The following ANKRD36 variants were observed in gnomAD, a reference collection of about 807,000 sequenced individuals.
The protein encoded by ANKRD36 is ankyrin repeat domain-containing protein 36A.
Under a neutral mutation model 278.1 loss-of-function variants are expected in ANKRD36, and 179 were observed. The ratio of observed to expected loss-of-function variants is 0.64; its 90% confidence interval spans 0.57 to 0.73. The LOEUF is 0.73. Among genes scored for constraint, ANKRD36 ranks in the 30% least tolerant of loss-of-function variants. The pLI is 0.00. For synonymous variants in ANKRD36, 320 were observed against 641.1 expected (o/e 0.50, Z 7.57); for missense variants, 1,159 against 1,956.7 (o/e 0.59, Z 7.69).
rs1158017640 is a variant in ANKRD36, at chr2:97,122,898, G to C, written c.498G>C (p.Gln166His). Residue 166 changes from glutamine to histidine, a missense_variant, in exon 4 of 76, where the codon CAG (glutamine) becomes CAC (histidine). Gln to His is a conservative substitution (Grantham distance 24, BLOSUM62 0). Transcript: ENST00000420699. ...CTGTTATTTTACAGTGTGAATATCA[G>C]CCACTGTTATTTGCTGTGAGTCGAA... ...NIEECSKCEY[Q>H]PLLFAVSRRK... 6.5e-7 allele frequency: 1 copy of C among 1,540,576 alleles called. No homozygotes were observed. Among genetic ancestry groups the C allele is most frequent in the African/African-American group, 1.4e-5 (1 of 72,700 alleles).
intron 5 of ANKRD36, 28 bp downstream of exon 5, chr2:97,124,625 A>C (rs1274143554): frequency 3.1e-5 from 47 of 1,535,698 alleles, no homozygotes; most frequent in Non-Finnish European, 4.0e-5. Context: ...AAGGCTAGTG[A>C]ACACTAAATT....
chr2:97,143,744 A>G (rs542041635), intron 8 of ANKRD36, among the ~76,000 whole-genome samples: 1 of 152,406 alleles, frequency 6.6e-6, no homozygotes, highest in East Asian at 1.9e-4. Context: ...CAATTTCCAA[A>G]TGGAAAAGCT....
intron 34 of ANKRD36, 78 bp from the exon 35 acceptor site, chr2:97,190,900 T>C (rs2058372940): frequency 6.4e-7 from 1 of 1,566,010 alleles, no homozygotes. Flanking sequence ...TACAGCTGGA[T>C]GCTAACACTG....
chr2:97,227,563 G>A (rs1251823033), intron 67 of ANKRD36, among the ~76,000 whole-genome samples: 41 of 152,046 alleles, frequency 2.7e-4, no homozygotes, highest in Non-Finnish European at 2.8e-4. Context: ...CAATCATGTC[G>A]TCTGCAAACA....
intron 30 of ANKRD36, among the ~76,000 whole-genome samples, chr2:97,186,195 A>G (rs1030539126): frequency 1.3e-5 from 2 of 151,776 alleles, no homozygotes; most frequent in African/African-American, 4.8e-5. Flanking sequence ...CATAAGACAT[A>G]TATCTTTTGT....
At chr2:97,177,343 G>A (rs1187869859) in intron 22 of ANKRD36, among the ~76,000 whole-genome samples, 1 of 151,686 alleles carries the variant, frequency 6.6e-6, no homozygotes, top group Admixed American at 6.6e-5. Context: ...AGTTCATATA[G>A]AACCAAAAAA....
intron 73 of ANKRD36, 108 bp downstream of exon 73, chr2:97,249,322 CA>C: frequency 7.1e-5 from 2 of 28,362 alleles, no homozygotes; most frequent in Non-Finnish European, 5.1e-5. Context: ...TTTGTGAAGC[CA>C]AAAAAGTTTC....
At chr2:97,118,208 G>A in intron 2 of ANKRD36, 30 bp downstream of exon 2, 2 of 1,579,528 alleles carry the variant, frequency 1.3e-6, no homozygotes, top group Non-Finnish European at 8.6e-7. Context: ...TTGAGCATGA[G>A]ATGGATTTGG....
rs1446364019 is a variant in ANKRD36 at position 97,209,461 on chromosome 2, C to A, written c.3266-220C>A. On this transcript the variant is annotated intron_variant, in intron 54 of 75. Coordinates refer to ENST00000420699, the MANE Select transcript of ANKRD36 (RefSeq NM_001354587.1). The stretch of plus-strand genomic sequence containing the variant: ...TTTTAGTTTTTGACACGTGACAAAT[C>A]ATATAATGTTTGAAATTGTAAGGGT... Among the ~76,000 whole-genome samples, 3 of 146,360 alleles carry A rather than the reference C, an allele frequency of 2.0e-5. No homozygotes were observed. In the East Asian group the frequency reaches 5.9e-4, roughly 29 times the overall value.
At chr2:97,192,367 G>A (rs543354415) in intron 36 of ANKRD36, among the ~76,000 whole-genome samples, 8 of 151,830 alleles carry the variant, frequency 5.3e-5, no homozygotes, top group African/African-American at 1.9e-4. Context: ...GAGATGTGAA[G>A]TGTACGTTCA....
chr2:97,140,118 C>T (rs546406480), intron 6 of ANKRD36, among the ~76,000 whole-genome samples: 1 of 151,080 alleles, frequency 6.6e-6, no homozygotes, highest in African/African-American at 2.4e-5. Context: ...ATATTTATTT[C>T]CTGTCTCATG....
intron 32 of ANKRD36, among the ~76,000 whole-genome samples, chr2:97,187,881 A>T (rs1358144337): frequency 6.6e-6 from 1 of 151,798 alleles, no homozygotes; most frequent in Admixed American, 6.6e-5. Flanking sequence ...GGATTGTCAG[A>T]CAGGAAGGAG....
intron 28 of ANKRD36, among the ~76,000 whole-genome samples, chr2:97,184,405 G>A (rs1349285774): frequency 6.6e-6 from 1 of 151,526 alleles, no homozygotes; most frequent in African/African-American, 2.4e-5. Flanking sequence ...TTTTTCCAAA[G>A]TGCTGGCTTT....
In ANKRD36 at chr2:97,194,752, A is replaced by G. The variant is rs1418683414; in HGVS notation, c.2476A>G (p.Lys826Glu). 20 of 1,603,620 alleles carry G rather than the reference A, an allele frequency of 1.2e-5. No individual in the cohort carries two copies. Among genetic ancestry groups the G allele is most frequent in the East Asian group, 1.1e-4 (5 of 44,500 alleles). ...TVSSRKKPAL[K>E]ATSDEKDSFS... ...GTCTTCTCGGAAAAAACCAGCCTTG[A>G]AGGTAATGAAACTCTCATTCATATT... The change falls in exon 39 of 76, where the codon AAG becomes GAG. Residue 826 changes from lysine (K) to glutamate (E), a missense_variant and splice_region_variant. Physicochemically the swap from Lys to Glu is moderately conservative, Grantham distance 56. Transcript: ENST00000420699.
intron 24 of ANKRD36, among the ~76,000 whole-genome samples, chr2:97,180,582 C>G (rs2055882552): frequency 6.6e-6 from 1 of 151,472 alleles, no homozygotes; most frequent in Admixed American, 6.6e-5. Context: ...ACCACAGTGA[C>G]TCATTACTCC....
intron 58 of ANKRD36, 38 bp downstream of exon 58, chr2:97,211,779 G>T: frequency 1.9e-6 from 3 of 1,540,298 alleles, no homozygotes; most frequent in Non-Finnish European, 2.6e-6. Flanking sequence ...TGTTCGGTCA[G>T]GGTAGAAGAG....
chr2:97,137,432 T>G (rs2041808748), intron 6 of ANKRD36, among the ~76,000 whole-genome samples: 2 of 151,956 alleles, frequency 1.3e-5, no homozygotes, highest in Non-Finnish European at 2.9e-5. Context: ...ATCACAGACA[T>G]GAGCCACTGT....
intron 50 of ANKRD36, among the ~76,000 whole-genome samples, chr2:97,205,179 T>C (rs2062502396): frequency 6.6e-6 from 1 of 151,788 alleles, no homozygotes; most frequent in African/African-American, 2.4e-5. Context: ...AATGTAAAAC[T>C]TATTATTGTC....
chr2:97,212,585 A>G (rs1429071635), intron 58 of ANKRD36: 2 of 152,528 alleles, frequency 1.3e-5, no homozygotes, highest in Non-Finnish European at 2.9e-5. Flanking sequence ...TTTAGAAACA[A>G]AAAATATGTT....
Sources: allele counts gnomAD v4.1 joint callset (sites outside exome capture counted in the v4.1 genomes callset), GRCh38; gene constraint gnomAD v4.1.1; transcripts MANE v1.5; gene names NCBI Gene and HGNC (gene_info 2026-07-23, HGNC 2026-07-21).